PMEL: variants seen among roughly 807,000 people sequenced by gnomAD.
PMEL encodes the protein premelanosome protein, also known as melanocyte protein PMEL.
In PMEL, 53 loss-of-function variants were observed where a neutral mutation model predicts 64.9. The ratio of observed to expected loss-of-function variants is 0.82; its 90% confidence interval spans 0.66 to 1.03. The LOEUF (loss-of-function observed/expected upper bound fraction) is 1.03. PMEL is among the 50% of genes least tolerant of loss of function. The pLI is 0.00. For synonymous variants in PMEL, 299 were observed against 316.2 expected, an observed-to-expected ratio of 0.95 and a Z score of 0.58; for missense variants, 716 against 814.9, an observed-to-expected ratio of 0.88 and a Z score of 1.48.
chr12:55,966,198 G>T, upstream of PMEL: 1 of 837,878 alleles, frequency 1.2e-6, no homozygotes, highest in Non-Finnish European at 1.8e-6. Context: ...TTCCCATCCT[G>T]CTACTCAATG....
In PMEL at chr12:55,965,984, G is replaced by A; in HGVS notation, c.28C>T (p.Leu10Phe). 6.2e-7 allele frequency: 1 copy of A among 1,614,198 alleles called. No homozygotes were observed. Among genetic ancestry groups the A allele is most frequent in the Non-Finnish European group, 8.5e-7 (1 of 1,180,020 alleles). Residue 10 changes from leucine to phenylalanine, a missense_variant, in exon 1 of 11, where the codon CTT becomes TTT. Leu to Phe is a conservative substitution (Grantham distance 22). Coordinates refer to ENST00000548747, the MANE Select transcript of PMEL (RefSeq NM_001384361.1). Reference protein sequence around the residue: MDLVLKRCLLHLAVIGALLA... With the variant: MDLVLKRCLFHLAVIGALLA... Reference sequence around the variant, plus strand: ...AAAGCACCTATCACAGCCAAATGAAGAAGGCATCTTTTTAGCACCAGATCC... The same window carrying A: ...AAAGCACCTATCACAGCCAAATGAAAAAGGCATCTTTTTAGCACCAGATCC...
At position 55,955,546 on chromosome 12, in the gene PMEL, AC is replaced by A; in HGVS notation, c.1679del (p.Gly560ValfsTer39). The A allele has an allele frequency of 1.2e-6, 2 of 1,614,096 alleles. No individual in the cohort carries two copies. Among genetic ancestry groups the A allele is most frequent in the Non-Finnish European group, 1.7e-6 (2 of 1,180,020 alleles). Reference sequence around the variant, plus strand: ...CATTGAGGCAGTATGTCCCCGAGCCACCCTTCAGTATCTGGTGCAGAACCAG... The same window carrying A: ...CATTGAGGCAGTATGTCCCCGAGCCACCTTCAGTATCTGGTGCAGAACCAG... ...CQLVLHQILKGGSGTYCLNVS... is the reference protein window; with the variant it reads ...CQLVLHQILKXGSGTYCLNVS... On this transcript the variant is annotated frameshift_variant, in exon 9 of 11. Transcript: ENST00000548747. LOFTEE classifies it high-confidence loss of function.
chr12:55,960,829 G>T (rs1424298425), intron 3 of PMEL, among the ~76,000 whole-genome samples: 1 of 149,480 alleles, frequency 6.7e-6, no homozygotes, highest in Non-Finnish European at 1.5e-5. Flanking sequence ...TTACAGGCGT[G>T]AGCCACCGCG....
Position 55,961,338 on chromosome 12 carries a change from C to A in PMEL, c.313G>T (p.Val105Phe). The change falls in exon 3 of 11, where the codon GTC (valine) becomes TTC (phenylalanine). Residue 105 changes from valine (V) to phenylalanine (F), a missense_variant. Transcript: ENST00000548747. The stretch of plus-strand genomic sequence containing the variant: ...TCACCATTGATGATGGTATTGTTGA[C>A]CCAGATAACCTGCCCATCTGGCAAT... ...KVLPDGQVIW[V>F]NNTIINGSQV... 1 of 1,614,122 alleles carries A rather than the reference C, an allele frequency of 6.2e-7. No individual in the cohort carries two copies. Among genetic ancestry groups the A allele is most frequent in the Non-Finnish European group, 8.5e-7 (1 of 1,179,978 alleles).
In PMEL at chr12:55,956,656, ATAT is replaced by A. The variant is rs1368258119; in HGVS notation, c.1354+290_1354+292del. Reference sequence around the variant, plus strand: ...TGCTTGAACAGAAAATGAGCTATAAATATTATATAAATGATCACAGTCTGTTCC... The same window carrying A: ...TGCTTGAACAGAAAATGAGCTATAAATATATAAATGATCACAGTCTGTTCC... On this transcript the variant is annotated intron_variant, in intron 6 of 10. Transcript: ENST00000548747. 1.3e-5 allele frequency: 5 copies of A among 372,016 alleles called. No individual in the cohort carries two copies. The Admixed American group carries it at 2.1e-4, about 16-fold the overall frequency. The allele number at this position is 372,016 out of a possible 1,614,324, so 23.0% of individuals were successfully genotyped here.
Position 55,955,448 on chromosome 12 carries a change from T to G in PMEL, c.1762+16A>C. 6.2e-7 allele frequency: 1 copy of G among 1,613,820 alleles called. No individual in the cohort carries two copies. The highest frequency in any genetic ancestry group is 8.5e-7 in the Non-Finnish European group (1 of 1,179,744). On this transcript the variant is annotated intron_variant, in intron 9 of 10. Coordinates refer to ENST00000548747, the MANE Select transcript of PMEL (RefSeq NM_001384361.1). ...TCCACTCCCTTCCTCATCTTAGCTC[T>G]TGTCCAAGGACCTACCAGGCATGAT...
intron 1 of PMEL, among the ~76,000 whole-genome samples, chr12:55,964,034 C>A (rs997465012): frequency 6.6e-6 from 1 of 152,060 alleles, no homozygotes; most frequent in African/African-American, 2.4e-5. Flanking sequence ...TCTCACCCTG[C>A]GTGCAGTGGC....
rs747146759 is a variant in PMEL, at chr12:55,961,651, G to A, written c.158C>T (p.Thr53Ile). 1 of 1,613,838 alleles carries A rather than the reference G, an allele frequency of 6.2e-7. No homozygotes were observed. The highest frequency in any genetic ancestry group is 1.3e-5 in the African/African-American group (1 of 74,982). Residue 53 changes from threonine (T) to isoleucine (I), a missense_variant, in exon 2 of 11, where the codon ACA becomes ATA. Transcript: ENST00000548747. ...AWNRQLYPEW[T>I]EAQRLDCWRG... ...CCAGCAGTCAAGTCTCTGGGCTTCT[G>A]TCCACTCTGGATACAGCTGCCTGTT...
At position 55,961,422 on chromosome 12, in the gene PMEL, G is replaced by GTGT. The variant is rs1383562960; in HGVS notation, c.226_228dup (p.Thr76dup). The GTGT allele has an allele frequency of 6.2e-7, 1 of 1,614,158 alleles. No homozygotes were observed. Among genetic ancestry groups the GTGT allele is most frequent in the South Asian group, 1.1e-5 (1 of 91,080 alleles). ...GAGAAGGAGGCATTTGCACCAATCAGTGTAGGCCCATCATTACTGACCTTG... is the reference window on the plus strand; with the variant it reads ...GAGAAGGAGGCATTTGCACCAATCAGTGTTGTAGGCCCATCATTACTGACCTTG... On this transcript the variant is annotated inframe_insertion, in exon 3 of 11. Transcript: ENST00000548747.
rs1396002109 is a variant in PMEL at position 55,955,664 on chromosome 12, G to A, written c.1562C>T (p.Pro521Leu). 8.1e-6 allele frequency: 13 copies of A among 1,612,398 alleles called. No individual in the cohort carries two copies. The East Asian group carries it at 2.7e-4, about 33-fold the overall frequency. The change falls in exon 9 of 11, where the codon CCC (proline) becomes CTC (leucine). Residue 521 changes from proline (P) to leucine (L), a missense_variant. Coordinates refer to ENST00000548747, the MANE Select transcript of PMEL (RefSeq NM_001384361.1). ...ELTVSCQGGL[P>L]KEACMEISSP... The stretch of plus-strand genomic sequence containing the variant: ...TGAGATCTCCATGCAGGCTTCCTTG[G>A]GCAGCCTGGAAGAAGTGTCAGCATA...
chr12:55,966,536 A>G, upstream of PMEL: 1 of 350,312 alleles, frequency 2.9e-6, no homozygotes, highest in Non-Finnish European at 4.1e-6. Context: ...AGGATTGGTG[A>G]AAATAGTGAG....
chr12:55,965,994 T>G lies in PMEL; in HGVS notation c.18A>C (p.Lys6Asn). The change falls in exon 1 of 11, where the codon AAA becomes AAC. Residue 6 changes from lysine to asparagine, a missense_variant. Lys to Asn is a moderately conservative substitution (Grantham distance 94). Coordinates refer to ENST00000548747, the MANE Select transcript of PMEL (RefSeq NM_001384361.1). ...TCACAGCCAAATGAAGAAGGCATCTTTTTAGCACCAGATCCATTGTGTTCT... is the reference window on the plus strand; with the variant it reads ...TCACAGCCAAATGAAGAAGGCATCTGTTTAGCACCAGATCCATTGTGTTCT... MDLVLKRCLLHLAVIG... is the reference protein window; with the variant it reads MDLVLNRCLLHLAVIG... 6.2e-7 allele frequency: 1 copy of G among 1,614,200 alleles called. No individual in the cohort carries two copies. The highest frequency in any genetic ancestry group is 8.5e-7 in the Non-Finnish European group (1 of 1,180,014).
chr12:55,959,447 A>G (rs1026683988), intron 3 of PMEL, among the ~76,000 whole-genome samples: 3 of 151,570 alleles, frequency 2.0e-5, no homozygotes, highest in African/African-American at 4.8e-5. Context: ...AGATATATGT[A>G]TATATATATA....
At chr12:55,958,855 C>T (rs978081437) in intron 3 of PMEL, among the ~76,000 whole-genome samples, 4 of 151,928 alleles carry the variant, frequency 2.6e-5, no homozygotes, top group Non-Finnish European at 5.9e-5. Context: ...GATCACAGCT[C>T]ACTGGAGTGT....
At chr12:55,963,685 G>C (rs1443126805) in intron 1 of PMEL, among the ~76,000 whole-genome samples, 1 of 152,110 alleles carries the variant, frequency 6.6e-6, no homozygotes, top group East Asian at 1.9e-4. Context: ...GATACATTAA[G>C]GAATATAGTA....
rs368202748 is a variant in PMEL at position 55,955,730 on chromosome 12, G to A, written c.1556+49C>T. On this transcript the variant is annotated intron_variant, in intron 8 of 10. Transcript: ENST00000548747. ...GAAGGGACACTAAATGCCAGAGAGCGGAGAAACAGTCAACCAAAGAGTTAC... is the reference window on the plus strand; with the variant it reads ...GAAGGGACACTAAATGCCAGAGAGCAGAGAAACAGTCAACCAAAGAGTTAC... 2.1e-5 allele frequency: 34 copies of A among 1,607,278 alleles called. No individual in the cohort carries two copies. In the African/African-American group the frequency reaches 2.3e-4, roughly 11 times the overall value.
At position 55,957,521 on chromosome 12, in the gene PMEL, T is replaced by C; in HGVS notation, c.782A>G (p.Asp261Gly). 1 of 1,613,796 alleles carries C rather than the reference T, an allele frequency of 6.2e-7. No individual in the cohort carries two copies. The highest frequency in any genetic ancestry group is 8.5e-7 in the Non-Finnish European group (1 of 1,179,962). ...LAEADLSYTWDFGDSSGTLIS... is the reference protein window; with the variant it reads ...LAEADLSYTWGFGDSSGTLIS... ...CAGGGTTCCACTACTGTCTCCAAAG[T>C]CCCAGGTGTAGGAGAGGTCAGCTTC... Residue 261 changes from aspartate to glycine, a missense_variant, in exon 6 of 11, where the codon GAC becomes GGC. Asp to Gly is a moderately conservative substitution (Grantham distance 94). Coordinates refer to ENST00000548747, the MANE Select transcript of PMEL (RefSeq NM_001384361.1).
Position 55,955,762 on chromosome 12 carries a change from A to G in PMEL, c.1556+17T>C, listed in dbSNP as rs778506252. ...CAGTCAACCAAAGAGTTACCAGCAC[A>G]CTAGTGAGACACTCACCCGCCTTGG... On this transcript the variant is annotated intron_variant, in intron 8 of 10. Coordinates refer to ENST00000548747, the MANE Select transcript of PMEL (RefSeq NM_001384361.1). 6 of 1,611,148 alleles carry G rather than the reference A, an allele frequency of 3.7e-6. No individual in the cohort carries two copies. The East Asian group carries it at 8.9e-5, about 24-fold the overall frequency.
Position 55,957,674 on chromosome 12 carries a change from G to C in PMEL, c.632-3C>G. On this transcript the variant is annotated splice_polypyrimidine_tract_variant and splice_region_variant and intron_variant, in intron 5 of 10. Coordinates refer to ENST00000548747, the MANE Select transcript of PMEL (RefSeq NM_001384361.1). ...GCTCACGGAGAAAGGCACCTGGTCT[G>C]GGATTGGAGCCAGAAAAGGTGAGAA... The C allele has an allele frequency of 6.2e-7, 1 of 1,606,542 alleles. No individual in the cohort carries two copies. The highest frequency in any genetic ancestry group is 8.5e-7 in the Non-Finnish European group (1 of 1,175,906).
Sources: gnomAD v4.1 joint callset for allele counts (sites outside exome capture counted in the v4.1 genomes callset) on GRCh38, gnomAD v4.1.1 for gene constraint, MANE v1.5 for transcripts, NCBI Gene and HGNC (gene_info 2026-07-23, HGNC 2026-07-21) for gene names.